The following ASCC3 variants were observed in gnomAD, a reference collection of about 807,000 sequenced individuals.
The protein encoded by ASCC3 is ASC-1 complex subunit P200.
ASCC3 carries 158 observed loss-of-function variants against 256.3 expected under a neutral mutation model. That is an observed-to-expected ratio of 0.62 (90% CI 0.54 to 0.70). The LOEUF (loss-of-function observed/expected upper bound fraction) is 0.70, where lower values mean the gene tolerates loss of function less well. Among genes scored for constraint, ASCC3 ranks in the 30% least tolerant of loss-of-function variants. The pLI is 0.00. For synonymous variants in ASCC3, 948 were observed against 883.4 expected (o/e 1.07, Z -1.30); for missense variants, 2,259 against 2,626.0 (o/e 0.86, Z 3.05).
chr6:100,729,435 G>A (rs1301688155), intron 10 of ASCC3, among the ~76,000 whole-genome samples: 1 of 152,180 alleles, frequency 6.6e-6, no homozygotes, highest in East Asian at 1.9e-4. Flanking sequence ...TTTCTTTAGT[G>A]AAGAACAACT....
intron 14 of ASCC3, among the ~76,000 whole-genome samples, chr6:100,663,675 T>C (rs1333018432): frequency 6.6e-6 from 1 of 151,970 alleles, no homozygotes. Context: ...TATGCTGAGG[T>C]TGCTAAAATC....
chr6:100,775,010 G>C (rs377313316), intron 8 of ASCC3, among the ~76,000 whole-genome samples: 24 of 152,212 alleles, frequency 1.6e-4, no homozygotes, highest in African/African-American at 5.1e-4. Context: ...TGGAAAAGTA[G>C]GCCAAGAGCA....
intron 36 of ASCC3, among the ~76,000 whole-genome samples, chr6:100,573,093 G>A (rs1445113312): frequency 6.6e-6 from 1 of 151,948 alleles, no homozygotes; most frequent in Non-Finnish European, 1.5e-5. Context: ...TGCTTATAGT[G>A]GGTTGGATTG....
At chr6:100,531,768 A>G (rs1774890887) in intron 37 of ASCC3, among the ~76,000 whole-genome samples, 1 of 152,112 alleles carries the variant, frequency 6.6e-6, no homozygotes, top group Non-Finnish European at 1.5e-5. Context: ...GTTTATATAT[A>G]GTTGTCCTGT....
At chr6:100,868,540 G>A (rs915291744) in intron 1 of ASCC3, among the ~76,000 whole-genome samples, 6 of 152,096 alleles carry the variant, frequency 3.9e-5, no homozygotes, top group South Asian at 2.1e-4. Flanking sequence ...CGACCCAGTC[G>A]CTGTCTATCA....
In ASCC3 at chr6:100,794,615, A is replaced by C. The variant is rs148975791; in HGVS notation, c.1395+4098T>G. 5.1e-3 allele frequency among the ~76,000 whole-genome samples: 771 copies of C among 152,170 alleles called. 3 individuals are homozygous for C. The highest frequency in any genetic ancestry group is 8.5e-3 in the Non-Finnish European group (577 of 67,968). On this transcript the variant is annotated intron_variant, in intron 8 of 41. Coordinates refer to ENST00000369162, the MANE Select transcript of ASCC3 (RefSeq NM_006828.4). ...GATCAGAGATAATATCCTATTCTTT[A>C]TTTTCCCAGAACTTAGCCGAATAAG...
At chr6:100,514,678 T>C (rs1017612827) in intron 39 of ASCC3, among the ~76,000 whole-genome samples, 4 of 152,092 alleles carry the variant, frequency 2.6e-5, no homozygotes, top group Non-Finnish European at 5.9e-5. Flanking sequence ...GACATTTCAA[T>C]ACCAGCCAAA....
intron 16 of ASCC3, among the ~76,000 whole-genome samples, chr6:100,656,256 C>G (rs992409523): frequency 3.3e-5 from 5 of 151,564 alleles, no homozygotes; most frequent in Admixed American, 3.3e-4. Flanking sequence ...TATCCTAATT[C>G]TGTATACTGT....
intron 13 of ASCC3, among the ~76,000 whole-genome samples, chr6:100,709,356 C>CAATATCAGCTT: frequency 6.6e-6 from 1 of 152,098 alleles, no homozygotes; most frequent in East Asian, 1.9e-4. Context: ...CAATAATAAC[C>CAATATCAGCTT]AATATCAGCT....
At chr6:100,608,401 A>ATATATATACCTTATATATATTT (rs1773120859) in intron 30 of ASCC3, among the ~76,000 whole-genome samples, 1 of 18,212 alleles carries the variant, frequency 5.5e-5, no homozygotes, top group African/African-American at 3.0e-4. Flanking sequence ...TGTATACCTT[A>ATATATATACCTTATATATATTT]TATATATATA....
At chr6:100,540,427 A>G in intron 36 of ASCC3, 40 bp from the exon 37 acceptor site, 1 of 1,484,616 alleles carries the variant, frequency 6.7e-7, no homozygotes, top group South Asian at 1.2e-5. Context: ...GGATCAAAGT[A>G]TAATAATTAA....
At chr6:100,796,615 A>C (rs1226524394) in intron 8 of ASCC3, among the ~76,000 whole-genome samples, 1 of 152,068 alleles carries the variant, frequency 6.6e-6, no homozygotes, top group African/African-American at 2.4e-5. Context: ...ACACATAGAG[A>C]AGAGGCTATG....
chr6:100,742,254 A>G (rs1008002539), intron 10 of ASCC3, among the ~76,000 whole-genome samples: 1 of 152,126 alleles, frequency 6.6e-6, no homozygotes, highest in African/African-American at 2.4e-5. Context: ...TGGAAGCTCC[A>G]TCCCAGGGGG....
At chr6:100,662,697 AAAT>A (rs1005075456) in intron 14 of ASCC3, among the ~76,000 whole-genome samples, 161 bp from the exon 15 acceptor site, 6 of 152,070 alleles carry the variant, frequency 3.9e-5, no homozygotes, top group Non-Finnish European at 7.4e-5. Context: ...AAATCATAAA[AAAT>A]AATGTTACCT....
intron 13 of ASCC3, among the ~76,000 whole-genome samples, chr6:100,681,892 C>T (rs1582687712): frequency 6.6e-6 from 1 of 151,984 alleles, no homozygotes; most frequent in African/African-American, 2.4e-5. Flanking sequence ...CATGGGCAAA[C>T]ATCTTTACTT....
chr6:100,512,643 A>T (rs1417568020), intron 40 of ASCC3, 66 bp downstream of exon 40: 8 of 1,435,916 alleles, frequency 5.6e-6, no homozygotes, highest in Non-Finnish European at 5.9e-6. Context: ...CACATAACAG[A>T]TATGTGTGGT....
chr6:100,520,367 T>G (rs1774240699), intron 37 of ASCC3, among the ~76,000 whole-genome samples: 1 of 152,042 alleles, frequency 6.6e-6, no homozygotes, highest in Non-Finnish European at 1.5e-5. Context: ...AGTAGAGCAA[T>G]ACGTAACTAC....
At chr6:100,731,763 A>G (rs751047411) in intron 10 of ASCC3, among the ~76,000 whole-genome samples, 1 of 152,202 alleles carries the variant, frequency 6.6e-6, no homozygotes, top group Non-Finnish European at 1.5e-5. Flanking sequence ...ACCAAACCAA[A>G]ACAAAACACA....
chr6:100,513,927 A>C (rs1773898552), intron 39 of ASCC3, among the ~76,000 whole-genome samples: 1 of 151,030 alleles, frequency 6.6e-6, no homozygotes. Flanking sequence ...TTTTTTAATC[A>C]GTTGTTACCT....
Sources: allele counts gnomAD v4.1 joint callset (sites outside exome capture counted in the v4.1 genomes callset), GRCh38; gene constraint gnomAD v4.1.1; transcripts MANE v1.5; gene names NCBI Gene and HGNC (gene_info 2026-07-23, HGNC 2026-07-21).